YTHDC1: variants seen among roughly 807,000 people sequenced by gnomAD.
The protein encoded by YTHDC1 is YTH N6-methyladenosine RNA binding protein C1.
YTHDC1 carries 12 observed loss-of-function variants against 107.0 expected under a neutral mutation model. The ratio of observed to expected loss-of-function variants is 0.11; its 90% CI spans 0.07 to 0.18. The LOEUF is 0.18. Ranked by LOEUF, YTHDC1 falls within the 10% of genes least tolerant of loss-of-function variation. YTHDC1 has a pLI of 1.00. For missense variants in YTHDC1, 635 were observed against 898.8 expected, an observed-to-expected ratio of 0.71 and a Z score of 3.75; for synonymous variants, 280 against 289.5, an observed-to-expected ratio of 0.97 and a Z score of 0.33.
In YTHDC1 at chr4:68,337,202, CTCCTCT is replaced by C. The variant is rs1443099418; in HGVS notation, c.702_707del (p.Glu248_Glu249del). On this transcript the variant is annotated inframe_deletion, in exon 4 of 17. Transcript: ENST00000344157. ...CCTCCTCCTCCTCCTCTTCCTCCTC[CTCCTCT>C]TCCTCCTCCTCCTCTCCATCTTCAT... is the stretch of plus-strand genomic sequence containing the variant. The C allele has an allele frequency of 3.1e-6, 5 of 1,598,094 alleles. No homozygotes were observed. The African/African-American group carries it at 5.4e-5, about 17-fold the overall frequency.
chr4:68,318,631 T>G (rs2109682500), intron 14 of YTHDC1, 50 bp from the exon 15 acceptor site: 1 of 1,608,624 alleles, frequency 6.2e-7, no homozygotes, highest in East Asian at 2.2e-5. Context: ...ATCACAGAAC[T>G]GCAAAATAAA....
rs1722112773 is a variant in YTHDC1, at chr4:68,318,537, T to C, written c.1806A>G (p.Pro602=). ...TACAAACCATTCCTTGCCAAGGTGG[T>C]GGTGGTCCCATGTTATGAAATTCCC... ...YVREFHNMGP[P]PPWQGMPPYP... Residue 602 remains proline (P), a synonymous_variant, in exon 15 of 17, where the codon CCA becomes CCG. Coordinates refer to ENST00000344157, the MANE Select transcript of YTHDC1 (RefSeq NM_001031732.4). 1 of 1,612,484 alleles carries C rather than the reference T, an allele frequency of 6.2e-7. No homozygotes were observed. The highest frequency in any genetic ancestry group is 1.3e-5 in the African/African-American group (1 of 74,848).
chr4:68,333,476 A>G (rs1723817564), intron 4 of YTHDC1, 79 bp from the exon 5 acceptor site: 3 of 1,043,854 alleles, frequency 2.9e-6, no homozygotes, highest in Non-Finnish European at 4.3e-6. Flanking sequence ...GTATCATTAC[A>G]TGTCTAGTTT....
At position 68,312,350 on chromosome 4, in the gene YTHDC1, A is replaced by G. The variant is rs1721372276; in HGVS notation, c.*1749T>C. Reference sequence around the variant, plus strand: ...ATTATTTCAGGAAAATACCTTTAATATTACCTACCAGTTTTGTATAATGGT... The same window carrying G: ...ATTATTTCAGGAAAATACCTTTAATGTTACCTACCAGTTTTGTATAATGGT... On this transcript the variant is annotated 3_prime_UTR_variant, in exon 17 of 17. Coordinates refer to ENST00000344157, the MANE Select transcript of YTHDC1 (RefSeq NM_001031732.4). 1 of 152,298 alleles carries G rather than the reference A, an allele frequency of 6.6e-6. No homozygotes were observed. Among genetic ancestry groups the G allele is most frequent in the Admixed American group, 6.5e-5 (1 of 15,298 alleles). The allele number at this position is 152,298 out of a possible 1,614,324, so 9.4% of individuals were successfully genotyped here.
At position 68,311,099 on chromosome 4, in the gene YTHDC1, T is replaced by C. The variant is rs1279666949; in HGVS notation, c.*3000A>G. ...AACATGTGCCTCTCTTGCTTCCCAA[T>C]GCTGGGAGACAAAGAACCCCATTTC... On this transcript the variant is annotated 3_prime_UTR_variant, in exon 17 of 17. Transcript: ENST00000344157. 1 of 152,156 alleles carries C rather than the reference T, an allele frequency of 6.6e-6. No individual in the cohort carries two copies. The highest frequency in any genetic ancestry group is 1.5e-5 in the Non-Finnish European group (1 of 68,034). The allele number at this position is 152,156 out of a possible 1,614,324, so 9.4% of individuals were successfully genotyped here.
At chr4:68,333,776 T>G (rs1723853483) in intron 4 of YTHDC1, among the ~76,000 whole-genome samples, 1 of 152,132 alleles carries the variant, frequency 6.6e-6, no homozygotes, top group Non-Finnish European at 1.5e-5. Context: ...AAGTCCTTAT[T>G]TTTTTAAACT....
chr4:68,332,160 T>G lies in YTHDC1; in HGVS notation c.1065A>C (p.Ala355=), dbSNP rs1384222369. ...TGTTACTCTTTATGAGGAAAAATCT[T>G]GCATCTTGAAGCACATATTTGAGTT... ...TSKLKYVLQD[A]RFFLIKSNNH... is the part of the protein sequence containing the mutation. The change falls in exon 7 of 17, where the codon GCA becomes GCC. Residue 355 remains alanine, a synonymous_variant. Coordinates refer to ENST00000344157, the MANE Select transcript of YTHDC1 (RefSeq NM_001031732.4). The G allele has an allele frequency of 6.2e-7, 1 of 1,609,800 alleles. No individual in the cohort carries two copies. Among genetic ancestry groups the G allele is most frequent in the Non-Finnish European group, 8.5e-7 (1 of 1,178,068 alleles).
chr4:68,331,204 G>A (rs1190429691), intron 7 of YTHDC1, among the ~76,000 whole-genome samples: 1 of 152,092 alleles, frequency 6.6e-6, no homozygotes, highest in Admixed American at 6.5e-5. Flanking sequence ...TGTATTTTCT[G>A]TTTTATTATT....
At chr4:68,324,322 T>C in intron 9 of YTHDC1, 99 bp from the exon 10 acceptor site, 2 of 1,065,060 alleles carry the variant, frequency 1.9e-6, no homozygotes, top group East Asian at 2.5e-5. Flanking sequence ...GTGACTTAAA[T>C]GTGACTAAAT....
chr4:68,316,844 A>G lies in YTHDC1; in HGVS notation c.1825-396T>C, dbSNP rs116387800. 4.5e-3 allele frequency among the ~76,000 whole-genome samples: 693 copies of G among 152,308 alleles called. 4 individuals carry two copies. Among genetic ancestry groups the G allele is most frequent in the African/African-American group, 0.016 (661 of 41,558 alleles). On this transcript the variant is annotated intron_variant, in intron 15 of 16. Coordinates refer to ENST00000344157, the MANE Select transcript of YTHDC1 (RefSeq NM_001031732.4). ...AGTTAAGTAACCTGCTTATAGTCAC[A>G]CTACTGTTAAAGTGGTGAAGCAGGC...
chr4:68,346,078 C>CATATACATAT (rs1553908028), intron 1 of YTHDC1, among the ~76,000 whole-genome samples: 1 of 132,678 alleles, frequency 7.5e-6, no homozygotes, highest in Non-Finnish European at 1.6e-5. Flanking sequence ...TGTGTGTGTA[C>CATATACATAT]ATATATATAT....
chr4:68,330,033 C>G lies in YTHDC1; in HGVS notation c.1318G>C (p.Gly440Arg). ...ATCCAGTCAATTTTAAAGACACCTC[C>G]CAGCATTTTAGCACTCATTCCTGCT... ...LPAGMSAKML[G>R]GVFKIDWICR... The change falls in exon 9 of 17, where the codon GGA becomes CGA. Residue 440 changes from glycine to arginine, a missense_variant. Gly to Arg is a moderately radical substitution (Grantham distance 125). Transcript: ENST00000344157. 1 of 1,613,632 alleles carries G rather than the reference C, an allele frequency of 6.2e-7. No individual in the cohort carries two copies. The highest frequency in any genetic ancestry group is 8.5e-7 in the Non-Finnish European group (1 of 1,179,698).
Position 68,312,801 on chromosome 4 carries a change from TAAAGGCCAAATTCC to T in YTHDC1, c.*1284_*1297del, listed in dbSNP as rs1227054562. 3.9e-5 allele frequency: 6 copies of T among 152,302 alleles called. 1 individual carries two copies. The East Asian group carries it at 1.2e-3, about 29-fold the overall frequency. The allele number at this position is 152,302 out of a possible 1,614,324, so 9.4% of individuals were successfully genotyped here. On this transcript the variant is annotated 3_prime_UTR_variant, in exon 17 of 17. Coordinates refer to ENST00000344157, the MANE Select transcript of YTHDC1 (RefSeq NM_001031732.4). ...AACATTCAAATATTCCTAATGTTTA[TAAAGGCCAAATTCC>T]AAAGGCCAAAACTCCAGGTGTAACT...
At chr4:68,320,071 T>A in intron 12 of YTHDC1, 52 bp downstream of exon 12, 1 of 1,490,504 alleles carries the variant, frequency 6.7e-7, no homozygotes, top group Admixed American at 2.0e-5. Flanking sequence ...AATTTTTTAA[T>A]TTTTTTCCAA....
At chr4:68,331,946 G>C (rs746617354) in intron 7 of YTHDC1, among the ~76,000 whole-genome samples, 157 bp downstream of exon 7, 51 of 151,524 alleles carry the variant, frequency 3.4e-4, no homozygotes, top group Non-Finnish European at 3.4e-4. Context: ...CAAGTAGGCT[G>C]ACTGACTACA....
chr4:68,332,965 C>A, intron 5 of YTHDC1, 118 bp from the exon 6 acceptor site: 2 of 833,162 alleles, frequency 2.4e-6, no homozygotes, highest in East Asian at 2.6e-5. Flanking sequence ...CTGGCGCACC[C>A]ACACACACAA....
chr4:68,319,229 C>T (rs1417432457), intron 12 of YTHDC1, among the ~76,000 whole-genome samples: 1 of 152,108 alleles, frequency 6.6e-6, no homozygotes, highest in African/African-American at 2.4e-5. Flanking sequence ...TTACTTTCCA[C>T]CTTGGGTATA....
chr4:68,328,990 TAC>T (rs1325560729), intron 9 of YTHDC1, among the ~76,000 whole-genome samples: 2 of 152,210 alleles, frequency 1.3e-5, no homozygotes, highest in Non-Finnish European at 2.9e-5. Flanking sequence ...TTACGAGTCC[TAC>T]AGTCTTATGG....
intron 1 of YTHDC1, among the ~76,000 whole-genome samples, chr4:68,344,731 A>G (rs1049946629): frequency 6.6e-6 from 1 of 152,218 alleles, no homozygotes; most frequent in Non-Finnish European, 1.5e-5. Context: ...CAGGAAGTAA[A>G]CAAGGATATA....
Sources: allele counts gnomAD v4.1 joint callset (sites outside exome capture counted in the v4.1 genomes callset), GRCh38; gene constraint gnomAD v4.1.1; transcripts MANE v1.5; gene names NCBI Gene and HGNC (gene_info 2026-07-23, HGNC 2026-07-21).